The following SYT9 variants were observed in gnomAD, a reference collection of about 807,000 sequenced individuals.
SYT9 encodes the protein synaptotagmin-9.
SYT9 carries 22 observed loss-of-function variants against 48.4 expected under a neutral mutation model. The observed-to-expected ratio is 0.45, with a 90% CI of 0.32 to 0.65. The LOEUF is 0.65. SYT9 is among the 30% of genes least tolerant of loss of function. SYT9 has a pLI of 0.03. For synonymous variants in SYT9, 265 were observed against 245.0 expected (o/e 1.08, Z -0.76); for missense variants, 577 against 622.0 (o/e 0.93, Z 0.77).
intron 6 of SYT9, among the ~76,000 whole-genome samples, chr11:7,422,023 C>T (rs957053593): frequency 2.0e-5 from 3 of 152,308 alleles, no homozygotes; most frequent in South Asian, 4.1e-4. Context: ...ACTGAGGATG[C>T]GTGGGTTCCA....
chr11:7,251,512 TG>T (rs1039629312), upstream of SYT9, among the ~76,000 whole-genome samples: 3 of 152,156 alleles, frequency 2.0e-5, no homozygotes, highest in African/African-American at 7.2e-5. Context: ...CATAGGCCCA[TG>T]GTTCAAACCC....
intron 1 of SYT9, among the ~76,000 whole-genome samples, chr11:7,254,832 C>G (rs923290876): frequency 1.3e-5 from 2 of 152,148 alleles, no homozygotes; most frequent in African/African-American, 4.8e-5. Flanking sequence ...AGTGACCCTG[C>G]ATCTAGGAAA....
At chr11:7,449,743 A>G (rs1257221529) in intron 6 of SYT9, among the ~76,000 whole-genome samples, 4 of 152,168 alleles carry the variant, frequency 2.6e-5, no homozygotes, top group African/African-American at 9.7e-5. Flanking sequence ...ATCCTAGAAA[A>G]TAAAGCCACA....
rs188579893 is a variant in SYT9 at position 7,387,067 on chromosome 11, G to T, written c.1045-28975G>T. ...GCAAGGACAAAAAACCAAACACTGC[G>T]TGTTCTCACTCATAGGTTGGAATTG... is the stretch of plus-strand genomic sequence containing the variant. On this transcript the variant is annotated intron_variant, in intron 3 of 6. Coordinates refer to ENST00000318881, the MANE Select transcript of SYT9 (RefSeq NM_175733.4). Among the ~76,000 whole-genome samples, 803 of 152,122 alleles carry T rather than the reference G, an allele frequency of 5.3e-3. 4 individuals carry two copies. Among genetic ancestry groups the T allele is most frequent in the African/African-American group, 0.018 (750 of 41,492 alleles).
intron 6 of SYT9, among the ~76,000 whole-genome samples, chr11:7,425,285 A>G (rs10839779): frequency 0.29 from 44,710 of 152,086 alleles, 7,230 homozygotes; most frequent in East Asian, 0.66. Context: ...AGGACAGGGA[A>G]ATTGTCTAAA....
At chr11:7,284,522 A>G (rs937161446) in intron 1 of SYT9, among the ~76,000 whole-genome samples, 4 of 152,094 alleles carry the variant, frequency 2.6e-5, no homozygotes, top group Non-Finnish European at 4.4e-5. Context: ...ATGTTCTCTT[A>G]GTATATTAAA....
intron 3 of SYT9, among the ~76,000 whole-genome samples, chr11:7,316,724 C>T (rs895762782): frequency 9.8e-5 from 15 of 152,286 alleles, no homozygotes; most frequent in African/African-American, 2.9e-4. Context: ...GTCATTTGCA[C>T]GTATCACAAA....
At chr11:7,383,004 C>A (rs1305124208) in intron 3 of SYT9, among the ~76,000 whole-genome samples, 1 of 152,180 alleles carries the variant, frequency 6.6e-6, no homozygotes, top group Non-Finnish European at 1.5e-5. Context: ...GTTACTTTAA[C>A]AGTGAATGCT....
In SYT9 at chr11:7,410,886, C is replaced by T. The variant is rs1168324775; in HGVS notation, c.1045-5156C>T. ...TTTTTCTTTTTGAGACAGAGTTTTG[C>T]TCTTGTCACCCAGGCTGGAGCGCAA... On this transcript the variant is annotated intron_variant, in intron 3 of 6. Transcript: ENST00000318881. Among the ~76,000 whole-genome samples, 3 of 151,592 alleles carry T rather than the reference C, an allele frequency of 2.0e-5. No homozygotes were observed. In the South Asian group the frequency reaches 6.3e-4, roughly 32 times the overall value.
intron 6 of SYT9, among the ~76,000 whole-genome samples, chr11:7,430,043 A>G (rs577458769): frequency 2.8e-4 from 43 of 152,096 alleles, no homozygotes; most frequent in African/African-American, 9.2e-4. Context: ...TTTCCCTTCA[A>G]TGTCTTATGT....
intron 1 of SYT9, among the ~76,000 whole-genome samples, chr11:7,278,162 G>C (rs1441439769): frequency 6.6e-6 from 1 of 152,142 alleles, no homozygotes; most frequent in Non-Finnish European, 1.5e-5. Flanking sequence ...GGGTATCACA[G>C]GGCAAGGGGG....
chr11:7,450,082 C>T (rs140499295), intron 6 of SYT9, among the ~76,000 whole-genome samples: 58 of 152,340 alleles, frequency 3.8e-4, no homozygotes, highest in African/African-American at 1.3e-3. Flanking sequence ...GACCACTGTG[C>T]TCAGTGCTGT....
At chr11:7,267,175 A>G (rs1848199821) in intron 1 of SYT9, among the ~76,000 whole-genome samples, 2 of 152,016 alleles carry the variant, frequency 1.3e-5, no homozygotes, top group Non-Finnish European at 1.5e-5. Flanking sequence ...TATAAAACCA[A>G]GTTTGTTATA....
At chr11:7,375,425 T>G (rs1850435405) in intron 3 of SYT9, among the ~76,000 whole-genome samples, 1 of 152,188 alleles carries the variant, frequency 6.6e-6, no homozygotes, top group Non-Finnish European at 1.5e-5. Flanking sequence ...CATATGAAAT[T>G]TAAAGTAGTT....
intron 3 of SYT9, among the ~76,000 whole-genome samples, chr11:7,319,556 A>G (rs1455820954): frequency 6.6e-6 from 1 of 152,196 alleles, no homozygotes; most frequent in Non-Finnish European, 1.5e-5. Flanking sequence ...ATGCATAACA[A>G]TGCGAATTGT....
intron 3 of SYT9, among the ~76,000 whole-genome samples, chr11:7,375,329 G>A (rs1420220196): frequency 4.6e-5 from 7 of 152,036 alleles, no homozygotes; most frequent in Non-Finnish European, 4.4e-5. Context: ...GCCTTGTGAT[G>A]TAGTTTGAAA....
At chr11:7,393,138 G>T (rs1846669770) in intron 3 of SYT9, among the ~76,000 whole-genome samples, 1 of 152,094 alleles carries the variant, frequency 6.6e-6, no homozygotes, top group South Asian at 2.1e-4. Context: ...GTATTATGCT[G>T]AATAGAAGTG....
chr11:7,418,843 C>A (rs1847299023), intron 5 of SYT9, among the ~76,000 whole-genome samples: 1 of 152,204 alleles, frequency 6.6e-6, no homozygotes, highest in South Asian at 2.1e-4. Flanking sequence ...ACATGTTAAA[C>A]CAGTCATTAG....
Position 7,353,217 on chromosome 11 carries a change from G to T in SYT9, c.1044+39276G>T, listed in dbSNP as rs372551978. Among the ~76,000 whole-genome samples the T allele has an allele frequency of 1.4e-4, 21 of 152,204 alleles. 1 individual carries two copies. The South Asian group carries it at 4.4e-3, about 32-fold the overall frequency. ...AGGGCACAGGAGAGGCATTGCAAGA[G>T]GAACGGGGTTTTTTTCTTCCTAGCT... On this transcript the variant is annotated intron_variant, in intron 3 of 6. Transcript: ENST00000318881.
Sources: allele counts gnomAD v4.1 joint callset (sites outside exome capture counted in the v4.1 genomes callset), GRCh38; gene constraint gnomAD v4.1.1; transcripts MANE v1.5; gene names NCBI Gene and HGNC (gene_info 2026-07-23, HGNC 2026-07-21).